Variants in FNIP2 observed in about 807,000 individuals in gnomAD.
The protein encoded by FNIP2 is folliculin interacting protein 2.
In FNIP2, 32 loss-of-function variants were observed where a neutral mutation model predicts 108.7. That is an observed-to-expected ratio of 0.29 (90% CI 0.22 to 0.40). FNIP2 has a LOEUF of 0.40. Ranked by LOEUF, FNIP2 falls within the 10% of genes least tolerant of loss-of-function variation. FNIP2 has a pLI of 1.00. For synonymous variants in FNIP2, 480 were observed against 496.7 expected (o/e 0.97, Z 0.45); for missense variants, 1,202 against 1,381.6 (o/e 0.87, Z 2.06).
intron 1 of FNIP2, among the ~76,000 whole-genome samples, chr4:158,813,264 G>C (rs1777381779): frequency 6.6e-6 from 1 of 152,152 alleles, no homozygotes; most frequent in Non-Finnish European, 1.5e-5. Context: ...AATTTTGTAA[G>C]AAACTGCCAA....
chr4:158,812,146 C>T (rs1390797717), intron 1 of FNIP2, among the ~76,000 whole-genome samples: 1 of 152,172 alleles, frequency 6.6e-6, no homozygotes, highest in Non-Finnish European at 1.5e-5. Context: ...CCCACTGGAC[C>T]TTGCTTGATG....
chr4:158,884,495 G>T (rs1781907881), intron 14 of FNIP2, among the ~76,000 whole-genome samples: 1 of 152,312 alleles, frequency 6.6e-6, no homozygotes, highest in South Asian at 2.1e-4. Flanking sequence ...TGCAGTGCAT[G>T]TGGGAAGGTT....
At chr4:158,832,299 G>A (rs1778530415) in intron 5 of FNIP2, among the ~76,000 whole-genome samples, 161 bp downstream of exon 5, 1 of 152,216 alleles carries the variant, frequency 6.6e-6, no homozygotes, top group South Asian at 2.1e-4. Context: ...TAAACAGTGA[G>A]TGGGAAAAGA....
At chr4:158,871,164 G>GA (rs1780925716) in intron 14 of FNIP2, among the ~76,000 whole-genome samples, 1 of 152,184 alleles carries the variant, frequency 6.6e-6, no homozygotes, top group Admixed American at 6.5e-5. Flanking sequence ...AAGTCTCACT[G>GA]AAAAAATTGC....
In FNIP2 at chr4:158,803,950, T is replaced by G. The variant is rs1053209820; in HGVS notation, c.108-21966T>G. On this transcript the variant is annotated intron_variant, in intron 1 of 16. Transcript: ENST00000264433. ...ATCATAGTTTTTGTTTTGTTTTGTTTTGTTTTTAGGTGGAGTCTCGCTGTG... is the reference window on the plus strand; with the variant it reads ...ATCATAGTTTTTGTTTTGTTTTGTTGTGTTTTTAGGTGGAGTCTCGCTGTG... Among the ~76,000 whole-genome samples, 7 of 152,198 alleles carry G rather than the reference T, an allele frequency of 4.6e-5. No individual in the cohort carries two copies. The South Asian group carries it at 1.4e-3, about 31-fold the overall frequency.
Position 158,846,585 on chromosome 4 carries a change from T to C in FNIP2, c.728-4736T>C, listed in dbSNP as rs568882203. Among the ~76,000 whole-genome samples the C allele has an allele frequency of 4.6e-5, 7 of 152,336 alleles. No homozygotes were observed. In the East Asian group the frequency reaches 1.3e-3, roughly 29 times the overall value. The stretch of plus-strand genomic sequence containing the variant: ...CAGAATAAATTGGACCTCAGGGTCT[T>C]CTCTGTCTTGTGTTGTAGGGGCAGA... On this transcript the variant is annotated intron_variant, in intron 7 of 16. Transcript: ENST00000264433.
At position 158,831,948 on chromosome 4, in the gene FNIP2, A is replaced by G. The variant is rs749637764; in HGVS notation, c.469A>G (p.Ile157Val). 1.2e-6 allele frequency: 2 copies of G among 1,610,230 alleles called. No individual in the cohort carries two copies. Among genetic ancestry groups the G allele is most frequent in the Admixed American group, 1.7e-5 (1 of 59,584 alleles). ...AMSYKGSTLKIHYIRSPPQLM... is the reference protein window; with the variant it reads ...AMSYKGSTLKVHYIRSPPQLM... ...GAGTTACAAAGGCTCCACCTTAAAG[A>G]TACACTACATACGGTGAGTCTGGGC... Residue 157 changes from isoleucine (I) to valine (V), a missense_variant, in exon 4 of 17, where the codon ATA (isoleucine) becomes GTA (valine). Around this residue, in one of 5 missense-constraint regions of FNIP2, gnomAD observed 878 missense variants for 990.3 expected, o/e 0.89. Coordinates refer to ENST00000264433, the MANE Select transcript of FNIP2 (RefSeq NM_020840.3).
chr4:158,847,896 G>A (rs570501997), intron 7 of FNIP2, among the ~76,000 whole-genome samples: 75 of 152,316 alleles, frequency 4.9e-4, no homozygotes, highest in Non-Finnish European at 8.1e-4. Context: ...GGTGGACATG[G>A]AGAGAGACTC....
rs1280704354 is a variant in FNIP2 at position 158,905,497 on chromosome 4, G to A, written c.*953G>A. 6.6e-6 allele frequency: 1 copy of A among 152,090 alleles called. No homozygotes were observed. The highest frequency in any genetic ancestry group is 1.5e-5 in the Non-Finnish European group (1 of 68,022). The allele number at this position is 152,090 out of a possible 1,614,324, so 9.4% of individuals were successfully genotyped here. On this transcript the variant is annotated 3_prime_UTR_variant, in exon 17 of 17. Transcript: ENST00000264433. ...TTAAAAGGCACAGCTGTCCTGGTGG[G>A]AAATGAAACCTGCAGCAGTTCAGGA...
At chr4:158,796,930 G>C (rs1047789885) in intron 1 of FNIP2, among the ~76,000 whole-genome samples, 1 of 152,068 alleles carries the variant, frequency 6.6e-6, no homozygotes, top group Admixed American at 6.6e-5. Context: ...GTGACTACGC[G>C]CTGGTGGCTG....
intron 1 of FNIP2, among the ~76,000 whole-genome samples, chr4:158,788,656 C>G (rs1362669508): frequency 6.6e-6 from 1 of 152,178 alleles, no homozygotes; most frequent in Non-Finnish European, 1.5e-5. Flanking sequence ...ATGGACAGGC[C>G]TCTTGAAAAG....
chr4:158,893,838 AATAAATTGTT>A, intron 15 of FNIP2: 1 of 645,858 alleles, frequency 1.5e-6, no homozygotes, highest in Non-Finnish European at 2.6e-6. Flanking sequence ...TTATCAAAGC[AATAAATTGTT>A]ATAGTTAATT....
At chr4:158,851,198 T>G (rs941394752) in intron 7 of FNIP2, 123 bp from the exon 8 acceptor site, 104 of 1,146,676 alleles carry the variant, frequency 9.1e-5, no homozygotes, top group Admixed American at 3.7e-4. Context: ...TACAGTTTAG[T>G]GATATTAAAT....
At chr4:158,816,067 A>G (rs952629429) in intron 1 of FNIP2, among the ~76,000 whole-genome samples, 16 of 152,182 alleles carry the variant, frequency 1.1e-4, no homozygotes, top group African/African-American at 3.6e-4. Context: ...TTGCTGGGTC[A>G]CGAGTATATA....
chr4:158,861,390 ATGGCT>A lies in FNIP2; in HGVS notation c.1199_1203del (p.Trp400TyrfsTer29). ...CTGTTCCAAGGATAGCTGAACCTGTATGGCTTACTATGATGTCCGGCACTTTGGAA... is the reference window on the plus strand; with the variant it reads ...CTGTTCCAAGGATAGCTGAACCTGTATACTATGATGTCCGGCACTTTGGAA... On this transcript the variant is annotated frameshift_variant, in exon 11 of 17. Transcript: ENST00000264433. LOFTEE classifies it high-confidence loss of function. 1 of 1,614,028 alleles carries A rather than the reference ATGGCT, an allele frequency of 6.2e-7. No homozygotes were observed. The highest frequency in any genetic ancestry group is 8.5e-7 in the Non-Finnish European group (1 of 1,179,898).
At chr4:158,862,748 C>T (rs747722811) in intron 12 of FNIP2, among the ~76,000 whole-genome samples, 2 of 151,934 alleles carry the variant, frequency 1.3e-5, no homozygotes, top group Non-Finnish European at 2.9e-5. Flanking sequence ...CTTGGTCATA[C>T]GGGAAGTTTT....
At position 158,861,325 on chromosome 4, in the gene FNIP2, C is replaced by G; in HGVS notation, c.1149-17C>G. ...ATTTCTGACACTTTTGTGTTTCCCTCTCTTTCTGTTCTATAGAGGAACTAT... is the reference window on the plus strand; with the variant it reads ...ATTTCTGACACTTTTGTGTTTCCCTGTCTTTCTGTTCTATAGAGGAACTAT... On this transcript the variant is annotated splice_polypyrimidine_tract_variant and intron_variant, in intron 10 of 16. Transcript: ENST00000264433. 6.3e-7 allele frequency: 1 copy of G among 1,598,638 alleles called. No homozygotes were observed. Among genetic ancestry groups the G allele is most frequent in the Non-Finnish European group, 8.5e-7 (1 of 1,174,762 alleles).
At chr4:158,810,463 C>T (rs1026006822) in intron 1 of FNIP2, among the ~76,000 whole-genome samples, 2 of 152,058 alleles carry the variant, frequency 1.3e-5, no homozygotes, top group East Asian at 3.9e-4. Context: ...TTTTCTTTGA[C>T]TAGTTAGAAG....
intron 1 of FNIP2, among the ~76,000 whole-genome samples, chr4:158,793,663 T>C (rs545225429): frequency 2.6e-5 from 4 of 152,212 alleles, no homozygotes; most frequent in Non-Finnish European, 4.4e-5. Context: ...AGCATACTTA[T>C]GGTTTGGTAA....
Sources: gnomAD v4.1 joint callset for allele counts (sites outside exome capture counted in the v4.1 genomes callset) on GRCh38, gnomAD v4.1.1 for gene constraint, gnomAD v4.1.1 regional missense constraint, MANE v1.5 for transcripts, NCBI Gene and HGNC (gene_info 2026-07-23, HGNC 2026-07-21) for gene names.